Variants in FSTL4 observed in about 807,000 individuals in gnomAD.
FSTL4 encodes follistatin like 4.
Under a neutral mutation model 78.2 loss-of-function variants are expected in FSTL4, and 28 were observed. That is an observed-to-expected ratio of 0.36 (90% CI 0.27 to 0.49). FSTL4 has a LOEUF of 0.49. Among genes scored for constraint, FSTL4 ranks in the 20% least tolerant of loss-of-function variants. The pLI, the probability that FSTL4 is intolerant of heterozygous loss-of-function variation, is 0.98. For missense variants in FSTL4, 922 were observed against 1,084.9 expected (o/e 0.85, Z 2.11); for synonymous variants, 422 against 440.5 (o/e 0.96, Z 0.53).
chr5:133,345,124 T>C (rs573688706), intron 4 of FSTL4, among the ~76,000 whole-genome samples: 1 of 152,182 alleles, frequency 6.6e-6, no homozygotes, highest in East Asian at 1.9e-4. Flanking sequence ...CCCCCACTTT[T>C]TAAATCAGAA....
the FSTL4 span, among the ~76,000 whole-genome samples, chr5:133,754,523 C>T: frequency 6.6e-6 from 1 of 152,152 alleles, no homozygotes; most frequent in Non-Finnish European, 1.5e-5. Context: ...GTATAGTTTA[C>T]ACAAAACAGA....
At chr5:133,414,968 T>C (rs1756548161) in intron 3 of FSTL4, among the ~76,000 whole-genome samples, 1 of 152,254 alleles carries the variant, frequency 6.6e-6, no homozygotes. Context: ...TGGACACATT[T>C]GTTACCAATA....
At chr5:133,633,550 C>T in the FSTL4 span, among the ~76,000 whole-genome samples, 1 of 152,124 alleles carries the variant, frequency 6.6e-6, no homozygotes, top group African/African-American at 2.4e-5. Context: ...CTTACTGAAG[C>T]ATTGTCATGA....
intron 4 of FSTL4, among the ~76,000 whole-genome samples, chr5:133,350,557 T>C (rs546527525): frequency 6.6e-6 from 1 of 152,338 alleles, no homozygotes; most frequent in African/African-American, 2.4e-5. Context: ...AATCAAAAGC[T>C]CTTTGGTATG....
intron 3 of FSTL4, among the ~76,000 whole-genome samples, chr5:133,453,766 T>A (rs894397250): frequency 1.3e-5 from 2 of 152,172 alleles, no homozygotes; most frequent in Non-Finnish European, 2.9e-5. Flanking sequence ...GACTCTTAGG[T>A]CATCTCATGA....
At chr5:133,702,298 A>T in the FSTL4 span, among the ~76,000 whole-genome samples, 1 of 152,226 alleles carries the variant, frequency 6.6e-6, no homozygotes, top group African/African-American at 2.4e-5. Context: ...ACTCAGAGTG[A>T]GCAGAGTCCC....
At chr5:133,467,951 G>C (rs1757748503) in intron 3 of FSTL4, among the ~76,000 whole-genome samples, 1 of 152,120 alleles carries the variant, frequency 6.6e-6, no homozygotes, top group Admixed American at 6.5e-5. Context: ...CTTCAGAATG[G>C]GGCACTCCTA....
chr5:133,346,189 C>A (rs1032626603), intron 4 of FSTL4, among the ~76,000 whole-genome samples: 1 of 151,876 alleles, frequency 6.6e-6, no homozygotes, highest in Admixed American at 6.6e-5. Context: ...GGGAGTTGAA[C>A]AATGGGAACA....
At chr5:133,657,301 G>A in the FSTL4 span, among the ~76,000 whole-genome samples, 2 of 152,264 alleles carry the variant, frequency 1.3e-5, no homozygotes, top group African/African-American at 2.4e-5. Context: ...TTAGAAACAC[G>A]GTGGAGAGCT....
chr5:133,458,881 A>G (rs1438206806), intron 3 of FSTL4, among the ~76,000 whole-genome samples: 1 of 152,166 alleles, frequency 6.6e-6, no homozygotes, highest in Admixed American at 6.5e-5. Flanking sequence ...CACATCCTCC[A>G]GGAGCTCTGG....
chr5:133,354,771 A>G (rs1468508987), intron 4 of FSTL4, among the ~76,000 whole-genome samples: 1 of 152,278 alleles, frequency 6.6e-6, no homozygotes, highest in Non-Finnish European at 1.5e-5. Flanking sequence ...AGCTGTGCCC[A>G]TGCAGATCTC....
intron 6 of FSTL4, among the ~76,000 whole-genome samples, chr5:133,295,134 C>T (rs1042707374): frequency 6.6e-6 from 1 of 152,190 alleles, no homozygotes; most frequent in Admixed American, 6.5e-5. Context: ...CTTCTCCCTC[C>T]TCAGACTTCC....
At chr5:133,286,313 C>T (rs1013234478) in intron 6 of FSTL4, among the ~76,000 whole-genome samples, 4 of 152,146 alleles carry the variant, frequency 2.6e-5, no homozygotes, top group Admixed American at 6.5e-5. Context: ...ATCAGGCACA[C>T]GGTTAACACT....
the FSTL4 span, among the ~76,000 whole-genome samples, chr5:133,744,724 C>T: frequency 3.3e-5 from 5 of 152,282 alleles, no homozygotes; most frequent in South Asian, 1.0e-3. Context: ...TGCAAGCAGG[C>T]ATGCACCGGA....
At chr5:133,424,528 G>A (rs908347077) in intron 3 of FSTL4, among the ~76,000 whole-genome samples, 1 of 152,186 alleles carries the variant, frequency 6.6e-6, no homozygotes, top group Non-Finnish European at 1.5e-5. Flanking sequence ...AATGTCCAGG[G>A]GCACCTGGGT....
At chr5:133,627,252 G>A in the FSTL4 span, among the ~76,000 whole-genome samples, 2 of 148,818 alleles carry the variant, frequency 1.3e-5, no homozygotes, top group African/African-American at 5.0e-5. Context: ...ATAAAGAAAA[G>A]GGGTTTAATT....
At chr5:133,490,603 T>C (rs57572635) in intron 3 of FSTL4, among the ~76,000 whole-genome samples, 2 of 152,240 alleles carry the variant, frequency 1.3e-5, no homozygotes, top group African/African-American at 4.8e-5. Context: ...GCTTCTAAAC[T>C]TTCAGCGATT....
At chr5:133,824,003 C>T in the FSTL4 span, among the ~76,000 whole-genome samples, 1 of 152,220 alleles carries the variant, frequency 6.6e-6, no homozygotes, top group Non-Finnish European at 1.5e-5. Flanking sequence ...TTTGAAGAGA[C>T]GGGACAAAGA....
rs570074147 is a variant in FSTL4 at position 133,296,138 on chromosome 5, A to G, written c.727+16516T>C. Among the ~76,000 whole-genome samples, 5 of 152,212 alleles carry G rather than the reference A, an allele frequency of 3.3e-5. No homozygotes were observed. The South Asian group carries it at 1.0e-3, about 32-fold the overall frequency. On this transcript the variant is annotated intron_variant, in intron 6 of 15. Coordinates refer to ENST00000265342, the MANE Select transcript of FSTL4 (RefSeq NM_015082.2). Reference sequence around the variant, plus strand: ...CTCTGTCTCAGTTAATGGCAACTCCATCCTTCCAGTCCTCATGCCCAAAAC... The same window carrying G: ...CTCTGTCTCAGTTAATGGCAACTCCGTCCTTCCAGTCCTCATGCCCAAAAC...
Sources: allele counts gnomAD v4.1 joint callset (sites outside exome capture counted in the v4.1 genomes callset), GRCh38; gene constraint gnomAD v4.1.1; transcripts MANE v1.5; gene names NCBI Gene and HGNC (gene_info 2026-07-23, HGNC 2026-07-21).